POLN: variants seen among roughly 807,000 people sequenced by gnomAD.
The protein encoded by POLN is DNA polymerase N.
Under a neutral mutation model 113.5 loss-of-function variants are expected in POLN, and 108 were observed. The observed-to-expected ratio is 0.95, with a 90% CI of 0.81 to 1.12. POLN has a LOEUF of 1.12. Among genes scored for constraint, POLN ranks in the 50% most tolerant of loss-of-function variants. The probability of loss-of-function intolerance (pLI) is 0.00; values close to 1 mark genes in which losing one functional copy is unlikely to be tolerated. For synonymous variants in POLN, 386 were observed against 391.5 expected (o/e 0.99, Z 0.17); for missense variants, 1,097 against 1,077.1 (o/e 1.02, Z -0.26).
intron 3 of POLN, among the ~76,000 whole-genome samples, chr4:2,225,108 ACT>A (rs1734350470): frequency 6.6e-6 from 1 of 151,990 alleles, no homozygotes; most frequent in African/African-American, 2.4e-5. Flanking sequence ...GCAACACATG[ACT>A]CTCCAACCAT....
At chr4:2,179,558 T>C (rs930557016) in intron 7 of POLN, 93 bp from the exon 8 acceptor site, 1 of 1,218,418 alleles carries the variant, frequency 8.2e-7, no homozygotes, top group African/African-American at 1.6e-5. Context: ...CGAATAGTAG[T>C]AGTATTGTCA....
At chr4:2,090,039 T>C (rs1274781158) in intron 20 of POLN, 1 of 882,246 alleles carries the variant, frequency 1.1e-6, no homozygotes, top group Admixed American at 2.2e-5. Flanking sequence ...GACTTGGAAC[T>C]GAAGAATTAT....
rs138244861 is a variant in POLN at position 2,196,082 on chromosome 4, T to C, written c.908+2442A>G. On this transcript the variant is annotated intron_variant, in intron 6 of 25. Transcript: ENST00000511885. ...GGAAGTCAGGAGGATACCAGTTAAG[T>C]CTGAATTTCAGAAAAATCATGAATA... Among the ~76,000 whole-genome samples, 24 of 152,250 alleles carry C rather than the reference T, an allele frequency of 1.6e-4. No homozygotes were observed. In the East Asian group the frequency reaches 4.6e-3, roughly 29 times the overall value.
intron 5 of POLN, among the ~76,000 whole-genome samples, chr4:2,199,825 C>T (rs1197146774): frequency 2.0e-5 from 3 of 152,126 alleles, no homozygotes; most frequent in African/African-American, 4.8e-5. Flanking sequence ...AATCCGCCCA[C>T]CTTGCTCTCC....
chr4:2,123,106 A>G (rs1367866744), intron 19 of POLN, among the ~76,000 whole-genome samples: 2 of 152,036 alleles, frequency 1.3e-5, no homozygotes, highest in Non-Finnish European at 2.9e-5. Context: ...GGCTGCAGTG[A>G]GCTGTGAGTG....
In POLN at chr4:2,213,062, T is replaced by G. The variant is rs1487221125; in HGVS notation, c.198A>C (p.Gln66His). The change falls in exon 4 of 26, where the codon CAA (glutamine) becomes CAC (histidine). Residue 66 changes from glutamine (Q) to histidine (H), a missense_variant. By Grantham distance (24) the Gln-to-His change is conservative (BLOSUM62 0). Transcript: ENST00000511885. The part of the protein sequence containing the change: ...YSVQLEDRKT[Q>H]SPEKKDLKSL... ...AATGATTTACCTTTTTTTCTGGTGA[T>G]TGAGTCTTCCTGTCTTCAAGTTGTA... 5 of 1,608,636 alleles carry G rather than the reference T, an allele frequency of 3.1e-6. No homozygotes were observed. The highest frequency in any genetic ancestry group is 4.2e-6 in the Non-Finnish European group (5 of 1,177,534).
In POLN at chr4:2,198,648, G is replaced by C. The variant is rs1386785445; in HGVS notation, c.784C>G (p.Pro262Ala). The C allele has an allele frequency of 4.3e-6, 7 of 1,613,604 alleles. No homozygotes were observed. Among genetic ancestry groups the C allele is most frequent in the Non-Finnish European group, 5.9e-6 (7 of 1,179,894 alleles). ...KRQAEGGHGCPDAPACGPVLE... is the reference protein window; with the variant it reads ...KRQAEGGHGCADAPACGPVLE... Reference sequence around the variant, plus strand: ...ACAGGACCACAGGCCGGGGCATCTGGACAGCCATGGCCACCCTCTGCTTGG... The same window carrying C: ...ACAGGACCACAGGCCGGGGCATCTGCACAGCCATGGCCACCCTCTGCTTGG... The change falls in exon 6 of 26, where the codon CCA becomes GCA. Residue 262 changes from proline (P) to alanine (A), a missense_variant. By Grantham distance (27) the Pro-to-Ala change is conservative (BLOSUM62 -1). Coordinates refer to ENST00000511885, the MANE Select transcript of POLN (RefSeq NM_181808.4).
At chr4:2,134,747 C>T (rs1045682697) in intron 16 of POLN, among the ~76,000 whole-genome samples, 1 of 152,216 alleles carries the variant, frequency 6.6e-6, no homozygotes, top group Non-Finnish European at 1.5e-5. Context: ...GCATCCTTGA[C>T]ATCTCTCAGT....
At chr4:2,179,552 T>G in intron 7 of POLN, 87 bp from the exon 8 acceptor site, 1 of 1,260,828 alleles carries the variant, frequency 7.9e-7, no homozygotes, top group Non-Finnish European at 1.1e-6. Context: ...TTCAAACGAA[T>G]AGTAGTAGTA....
At chr4:2,221,253 T>C (rs1164958062) in intron 3 of POLN, among the ~76,000 whole-genome samples, 1 of 151,784 alleles carries the variant, frequency 6.6e-6, no homozygotes, top group East Asian at 1.9e-4. Flanking sequence ...CAGTCCCCCT[T>C]CCTCAGCCAT....
chr4:2,155,675 T>C (rs1317267392), intron 16 of POLN, among the ~76,000 whole-genome samples: 1 of 152,200 alleles, frequency 6.6e-6, no homozygotes, highest in Non-Finnish European at 1.5e-5. Flanking sequence ...CATATTCATA[T>C]TTATATATAT....
At chr4:2,080,895 G>A in intron 23 of POLN, 63 bp downstream of exon 23, 1 of 1,611,176 alleles carries the variant, frequency 6.2e-7, no homozygotes, top group Non-Finnish European at 8.5e-7. Context: ...CGAGCCCCGA[G>A]GGGGTCTTCC....
intron 15 of POLN, 92 bp from the exon 16 acceptor site, chr4:2,156,945 C>A: frequency 9.7e-7 from 1 of 1,033,154 alleles, no homozygotes; most frequent in South Asian, 1.3e-5. Context: ...ATGCAACACT[C>A]GCTGCTCCTC....
At chr4:2,231,722 C>T (rs1444191019) in intron 2 of POLN, 3 of 410,466 alleles carry the variant, frequency 7.3e-6, no homozygotes, top group Non-Finnish European at 1.3e-5. Context: ...GGACTAAGTA[C>T]CACTAAACAC....
rs940702415 is a variant in POLN at position 2,072,148 on chromosome 4, G to T, written c.2669C>A (p.Pro890Gln). The change falls in exon 26 of 26, where the codon CCA becomes CAA. Residue 890 changes from proline (P) to glutamine (Q), a missense_variant. Pro to Gln is a moderately conservative substitution (Grantham distance 76). Coordinates refer to ENST00000511885, the MANE Select transcript of POLN (RefSeq NM_181808.4). ...AAATGAAGGCGAAAAATGCAGGGGT[G>T]GGGGCTGGGTGCTGGCAGGGGACCC... ...APGSPASTQP[P>Q]PLHFSPSFCL 3.1e-6 allele frequency: 5 copies of T among 1,612,770 alleles called. No individual in the cohort carries two copies. Among genetic ancestry groups the T allele is most frequent in the Non-Finnish European group, 4.2e-6 (5 of 1,179,832 alleles).
intron 19 of POLN, among the ~76,000 whole-genome samples, chr4:2,118,896 T>C (rs1731377792): frequency 6.6e-6 from 1 of 152,180 alleles, no homozygotes; most frequent in South Asian, 2.1e-4. Flanking sequence ...GCAGTTGTAA[T>C]AGAGGGAAAG....
At chr4:2,240,569 C>G in intron 2 of POLN, 1 of 1,613,056 alleles carries the variant, frequency 6.2e-7, no homozygotes, top group Non-Finnish European at 8.5e-7. Context: ...TTACTGAAGC[C>G]ATCAATTGAC....
At chr4:2,211,488 T>C (rs886148487) in intron 4 of POLN, among the ~76,000 whole-genome samples, 1 of 151,914 alleles carries the variant, frequency 6.6e-6, no homozygotes, top group African/African-American at 2.4e-5. Flanking sequence ...ACAGATAGTT[T>C]GAGAAGTCCA....
chr4:2,240,994 T>C (rs746541138), intron 2 of POLN: 15 of 1,379,618 alleles, frequency 1.1e-5, no homozygotes, highest in African/African-American at 1.5e-5. Context: ...GTTTACGGTG[T>C]TGATTTTTAG....
Sources: gnomAD v4.1 joint callset for allele counts (sites outside exome capture counted in the v4.1 genomes callset) on GRCh38, gnomAD v4.1.1 for gene constraint, MANE v1.5 for transcripts, NCBI Gene and HGNC (gene_info 2026-07-23, HGNC 2026-07-21) for gene names.